GBF1: variants seen among roughly 807,000 people sequenced by gnomAD.
GBF1 encodes golgi brefeldin A resistant guanine nucleotide exchange factor 1.
Under a neutral mutation model 210.5 loss-of-function variants are expected in GBF1, and 114 were observed. The observed-to-expected ratio is 0.54, with a 90% CI of 0.47 to 0.63. The LOEUF is 0.63. Among genes scored for constraint, GBF1 ranks in the 30% least tolerant of loss-of-function variants. The pLI, the probability that GBF1 is intolerant of heterozygous loss-of-function variation, is 0.00. For missense variants in GBF1, 1,851 were observed against 2,357.7 expected (o/e 0.79, Z 4.45); for synonymous variants, 850 against 889.2 (o/e 0.96, Z 0.78).
chr10:102,292,362 T>C (rs1021932209), intron 3 of GBF1, among the ~76,000 whole-genome samples: 4 of 152,016 alleles, frequency 2.6e-5, no homozygotes, highest in African/African-American at 9.7e-5. Context: ...GTATGATGTA[T>C]GTATGTACTT....
intron 1 of GBF1, among the ~76,000 whole-genome samples, chr10:102,248,591 T>G (rs764571957): frequency 1.1e-4 from 16 of 152,130 alleles, no homozygotes; most frequent in Non-Finnish European, 2.1e-4. Flanking sequence ...GTGGGGACTG[T>G]TGTGTACTGG....
Position 102,364,857 on chromosome 10 carries a change from A to G in GBF1, c.2107-540A>G, listed in dbSNP as rs1013064804. ...GAGTGAAACTCCATCTCGGAAAAAG[A>G]AAAAAAAAACCTAACCCTTTCTTTC... On this transcript the variant is annotated intron_variant, in intron 17 of 39. Transcript: ENST00000369983. Among the ~76,000 whole-genome samples, 103 of 149,540 alleles carry G rather than the reference A, an allele frequency of 6.9e-4. 2 individuals are homozygous for G. The highest frequency in any genetic ancestry group is 6.8e-3 in the Admixed American group (102 of 15,018).
At chr10:102,344,713 C>A (rs957527661) in intron 4 of GBF1, among the ~76,000 whole-genome samples, 1 of 152,076 alleles carries the variant, frequency 6.6e-6, no homozygotes, top group Non-Finnish European at 1.5e-5. Context: ...ATCTCCTGAC[C>A]TCATGATCTG....
chr10:102,301,113 G>A (rs562366964), intron 3 of GBF1, among the ~76,000 whole-genome samples: 1 of 152,136 alleles, frequency 6.6e-6, no homozygotes, highest in African/African-American at 2.4e-5. Flanking sequence ...GTTTTCCTAG[G>A]CAGAGGACCC....
chr10:102,237,023 A>C, the GBF1 span, among the ~76,000 whole-genome samples: 8 of 152,300 alleles, frequency 5.3e-5, no homozygotes, highest in Admixed American at 5.2e-4. Flanking sequence ...TGAAGCACTC[A>C]AGTTATTAAG....
chr10:102,267,373 C>T (rs892130712), intron 3 of GBF1, among the ~76,000 whole-genome samples: 2 of 152,032 alleles, frequency 1.3e-5, no homozygotes, highest in East Asian at 1.9e-4. Context: ...GGTGCGGTGG[C>T]GCATGCCTGT....
At chr10:102,267,790 G>A (rs2074013177) in intron 3 of GBF1, among the ~76,000 whole-genome samples, 1 of 152,178 alleles carries the variant, frequency 6.6e-6, no homozygotes, top group Non-Finnish European at 1.5e-5. Flanking sequence ...CTGAGTGTTA[G>A]GAAAGGCAAT....
intron 8 of GBF1, among the ~76,000 whole-genome samples, chr10:102,356,534 G>A (rs1484168535): frequency 1.3e-5 from 2 of 152,192 alleles, no homozygotes; most frequent in Non-Finnish European, 2.9e-5. Context: ...GGGAGGCCAA[G>A]GCGGGCGGAT....
At chr10:102,293,764 G>GTTTTTTTTAT (rs1263151407) in intron 3 of GBF1, among the ~76,000 whole-genome samples, 1 of 50,888 alleles carries the variant, frequency 2.0e-5, no homozygotes, top group African/African-American at 5.7e-5. Flanking sequence ...GCTGTAGTAT[G>GTTTTTTTTAT]TTTTGTGTTT....
intron 3 of GBF1, among the ~76,000 whole-genome samples, chr10:102,323,078 T>G (rs547976379): frequency 6.6e-6 from 1 of 152,060 alleles, no homozygotes; most frequent in Non-Finnish European, 1.5e-5. Flanking sequence ...CTTCTCACAG[T>G]CTCTCCTGTG....
intron 7 of GBF1, 44 bp downstream of exon 7, chr10:102,352,562 T>TTGA (rs756568537): frequency 1.4e-6 from 2 of 1,388,040 alleles, no homozygotes; most frequent in Non-Finnish European, 1.0e-6. Flanking sequence ...CCCAGGCCTC[T>TTGA]TGAGTCTGCC....
the GBF1 span, among the ~76,000 whole-genome samples, chr10:102,240,000 G>A: frequency 6.6e-6 from 1 of 152,258 alleles, no homozygotes; most frequent in East Asian, 1.9e-4. Context: ...CACCAGGGTG[G>A]TGTTGGGACT....
intron 1 of GBF1, among the ~76,000 whole-genome samples, 196 bp from the exon 2 acceptor site, chr10:102,258,733 C>T (rs2072784266): frequency 6.9e-6 from 1 of 145,846 alleles, no homozygotes; most frequent in Non-Finnish European, 1.5e-5. Flanking sequence ...AGGATCACGC[C>T]ATTGCACTCC....
chr10:102,382,492 C>CA lies in GBF1; in HGVS notation c.*157dup, dbSNP rs2060916225. ...CTGAAAAAGAGAATGTTGATAGCCC[C>CA]AGCTAAGACCCCCAATCAGCTGTGG... On this transcript the variant is annotated 3_prime_UTR_variant, in exon 40 of 40. Transcript: ENST00000369983. 2 of 621,690 alleles carry CA rather than the reference C, an allele frequency of 3.2e-6. No homozygotes were observed. The highest frequency in any genetic ancestry group is 4.3e-5 in the South Asian group (2 of 46,868). 38.5% of individuals were successfully genotyped at this position (621,690 alleles called of 1,614,324 possible). A position where few individuals can be genotyped will look rare whatever the true frequency, so the allele number is the denominator to read the frequency against.
chr10:102,302,370 G>T (rs997689019), intron 3 of GBF1, among the ~76,000 whole-genome samples: 2 of 152,062 alleles, frequency 1.3e-5, no homozygotes, highest in East Asian at 3.9e-4. Context: ...TACTTTAAAG[G>T]AGTGAACTAT....
chr10:102,368,339 A>G lies in GBF1; in HGVS notation c.2764A>G (p.Ser922Gly). 1.2e-6 allele frequency: 2 copies of G among 1,613,830 alleles called. No homozygotes were observed. The highest frequency in any genetic ancestry group is 1.7e-6 in the Non-Finnish European group (2 of 1,179,664). ...CATATTCCTGCGTGTGCCTACTGCCAGCTATGATCTTGACCTCTTCACCAT... is the reference window on the plus strand; with the variant it reads ...CATATTCCTGCGTGTGCCTACTGCCGGCTATGATCTTGACCTCTTCACCAT... ...EGIFLRVPTA[S>G]YDLDLFTMTW... The change falls in exon 22 of 40, where the codon AGC (serine) becomes GGC (glycine). Residue 922 changes from serine (S) to glycine (G), a missense_variant. By Grantham distance (56) the Ser-to-Gly change is moderately conservative. This residue lies in a region of GBF1 where 967 missense variants were observed against 1,247.7 expected (regional missense o/e 0.78). Transcript: ENST00000369983.
At position 102,381,185 on chromosome 10, in the gene GBF1, C is replaced by G. The variant is rs745345774; in HGVS notation, c.5232C>G (p.Ser1744=). 6.2e-7 allele frequency: 1 copy of G among 1,613,850 alleles called. No homozygotes were observed. Among genetic ancestry groups the G allele is most frequent in the Admixed American group, 1.7e-5 (1 of 60,016 alleles). Residue 1744 remains serine, a synonymous_variant, in exon 39 of 40, where the codon TCC becomes TCG. Transcript: ENST00000369983. Reference sequence around the variant, plus strand: ...CTCTCGCCTCAGCCCACCTGACTTCCGCTGCTGGCGACACTAGGACACCTG... The same window carrying G: ...CTCTCGCCTCAGCCCACCTGACTTCGGCTGCTGGCGACACTAGGACACCTG... ...QKPLASAHLT[S]AAGDTRTPGH... is the part of the protein sequence containing the mutation.
rs1027931688 is a variant in GBF1, at chr10:102,358,802, A to T, written c.1011+73A>T. 7.3e-6 allele frequency: 7 copies of T among 962,966 alleles called. 1 individual carries two copies. The highest frequency in any genetic ancestry group is 4.5e-5 in the South Asian group (3 of 67,314). The allele number at this position is 962,966 out of a possible 1,614,324, so 59.7% of individuals were successfully genotyped here. A position where few individuals can be genotyped will look rare whatever the true frequency, so the allele number is the denominator to read the frequency against. On this transcript the variant is annotated intron_variant, in intron 10 of 39. Transcript: ENST00000369983. Reference sequence around the variant, plus strand: ...AATGGCTTGATCCTTTGGATCCTTTATGCAGGACTTGGCTCGAAAGAAGCT... The same window carrying T: ...AATGGCTTGATCCTTTGGATCCTTTTTGCAGGACTTGGCTCGAAAGAAGCT...
At chr10:102,349,134 G>A (rs963406494) in intron 4 of GBF1, among the ~76,000 whole-genome samples, 7 of 151,998 alleles carry the variant, frequency 4.6e-5, no homozygotes, top group African/African-American at 1.7e-4. Flanking sequence ...GGGCGATAGA[G>A]CAAGACCCTG....
Sources: gnomAD v4.1 joint callset for allele counts (sites outside exome capture counted in the v4.1 genomes callset) on GRCh38, gnomAD v4.1.1 for gene constraint, gnomAD v4.1.1 regional missense constraint, MANE v1.5 for transcripts, NCBI Gene and HGNC (gene_info 2026-07-23, HGNC 2026-07-21) for gene names.